The following SGK1 variants were observed in gnomAD, a reference collection of about 807,000 sequenced individuals.
The protein encoded by SGK1 is serine/threonine-protein kinase Sgk1.
In SGK1, 26 loss-of-function variants were observed where a neutral mutation model predicts 64.2. The observed-to-expected ratio is 0.40, with a 90% confidence interval of 0.30 to 0.56. The LOEUF is 0.56. SGK1 is among the 20% of genes least tolerant of loss of function. The pLI is 0.38. For missense variants in SGK1, 519 were observed against 645.6 expected, an observed-to-expected ratio of 0.80 and a Z score of 2.12; for synonymous variants, 265 against 239.7, an observed-to-expected ratio of 1.11 and a Z score of -0.98.
chr6:134,309,181 C>T (rs996182912), intron 1 of SGK1, among the ~76,000 whole-genome samples: 1 of 152,230 alleles, frequency 6.6e-6, no homozygotes, highest in Non-Finnish European at 1.5e-5. Context: ...GCTCTAGTTA[C>T]ATCTTTGATT....
chr6:134,207,149 C>T (rs1775805693), intron 3 of SGK1, among the ~76,000 whole-genome samples: 1 of 152,058 alleles, frequency 6.6e-6, no homozygotes, highest in Non-Finnish European at 1.5e-5. Flanking sequence ...TGGCGTGAAC[C>T]TGGGAGGCGG....
At chr6:134,295,210 G>T (rs1402143708) in intron 1 of SGK1, among the ~76,000 whole-genome samples, 2 of 151,850 alleles carry the variant, frequency 1.3e-5, no homozygotes, top group Non-Finnish European at 3.0e-5. Context: ...TATTCTGCAT[G>T]GTTGGAGAAT....
At chr6:134,312,290 A>G (rs113159694) in intron 1 of SGK1, among the ~76,000 whole-genome samples, 81 of 152,340 alleles carry the variant, frequency 5.3e-4, no homozygotes, top group African/African-American at 1.9e-3. Context: ...CTCTGAGAAG[A>G]CATCGAAAGT....
At chr6:134,303,976 G>A (rs149791369) in intron 1 of SGK1, among the ~76,000 whole-genome samples, 155 of 152,180 alleles carry the variant, frequency 1.0e-3, no homozygotes, top group African/African-American at 3.6e-3. Flanking sequence ...CCCAGGACTC[G>A]GCCTTATGAG....
intron 1 of SGK1, among the ~76,000 whole-genome samples, chr6:134,286,478 ATTTTTTT>A (rs1267281237): frequency 7.8e-6 from 1 of 128,482 alleles, no homozygotes; most frequent in Non-Finnish European, 1.7e-5. Flanking sequence ...AAAATACAAT[ATTTTTTT>A]TTTTTTTTTT....
At chr6:134,254,565 C>T (rs1776652607) in intron 2 of SGK1, among the ~76,000 whole-genome samples, 1 of 152,120 alleles carries the variant, frequency 6.6e-6, no homozygotes, top group Admixed American at 6.6e-5. Flanking sequence ...GGGATTGAAA[C>T]ATTTAAACGA....
intron 1 of SGK1, among the ~76,000 whole-genome samples, chr6:134,315,203 C>T (rs1777660804): frequency 6.6e-6 from 1 of 151,898 alleles, no homozygotes; most frequent in Admixed American, 6.6e-5. Context: ...TGGAATAAAC[C>T]AAAGTAGACA....
chr6:134,272,084 T>C (rs1776947073), intron 1 of SGK1, among the ~76,000 whole-genome samples: 1 of 144,992 alleles, frequency 6.9e-6, no homozygotes. Context: ...TCAGGCAATC[T>C]GCCTGCCTCG....
At chr6:134,181,615 G>A (rs1775332456) in intron 3 of SGK1, among the ~76,000 whole-genome samples, 1 of 152,098 alleles carries the variant, frequency 6.6e-6, no homozygotes, top group Non-Finnish European at 1.5e-5. Flanking sequence ...AAAGTGCTGG[G>A]ATTACAGGCA....
At chr6:134,180,109 A>G (rs1775309024) in intron 3 of SGK1, 1 of 152,004 alleles carries the variant, frequency 6.6e-6, no homozygotes, top group Non-Finnish European at 1.5e-5. Flanking sequence ...ACATGCCACC[A>G]TGCCTGGTTA....
intron 2 of SGK1, among the ~76,000 whole-genome samples, chr6:134,231,188 T>TA (rs1161490712): frequency 5.9e-5 from 9 of 152,094 alleles, no homozygotes; most frequent in African/African-American, 1.2e-4. Flanking sequence ...GAATCTGTAT[T>TA]AAAAAAAATA....
intron 2 of SGK1, among the ~76,000 whole-genome samples, chr6:134,236,440 A>C (rs1776365764): frequency 6.6e-6 from 1 of 152,150 alleles, no homozygotes; most frequent in Non-Finnish European, 1.5e-5. Context: ...CAGCCTGGGC[A>C]AGATGGCGAA....
intron 3 of SGK1, among the ~76,000 whole-genome samples, chr6:134,187,961 T>C (rs1350217197): frequency 2.6e-5 from 4 of 152,228 alleles, no homozygotes; most frequent in Admixed American, 1.3e-4. Flanking sequence ...TTTCTGTTGC[T>C]GGCAGATTGG....
intron 2 of SGK1, among the ~76,000 whole-genome samples, chr6:134,224,287 C>G (rs544706240): frequency 2.4e-4 from 37 of 152,258 alleles, no homozygotes; most frequent in African/African-American, 8.7e-4. Flanking sequence ...ATTCAGTGGG[C>G]AGGTCATTAG....
intron 2 of SGK1, among the ~76,000 whole-genome samples, chr6:134,226,453 C>A (rs80172284): frequency 0.084 from 12,765 of 151,738 alleles, 861 homozygotes; most frequent in East Asian, 0.25. Context: ...AATCCTAACA[C>A]TTTGGGAGGC....
chr6:134,298,340 C>G, intron 1 of SGK1: 1 of 1,563,930 alleles, frequency 6.4e-7, no homozygotes, highest in Non-Finnish European at 8.7e-7. Context: ...CACTTGGTCT[C>G]TAGCATCTTG....
At chr6:134,250,294 A>G (rs1776587954) in intron 2 of SGK1, among the ~76,000 whole-genome samples, 1 of 152,206 alleles carries the variant, frequency 6.6e-6, no homozygotes, top group Admixed American at 6.5e-5. Context: ...ACTGTCTGCT[A>G]CTCAAGGTCG....
At chr6:134,195,546 A>C (rs1214980004) in intron 3 of SGK1, among the ~76,000 whole-genome samples, 1 of 152,210 alleles carries the variant, frequency 6.6e-6, no homozygotes, top group Non-Finnish European at 1.5e-5. Context: ...CATGACTCTA[A>C]GTATCTTTAC....
At chr6:134,265,441 CAA>C (rs916010196) in intron 1 of SGK1, among the ~76,000 whole-genome samples, 1 of 150,706 alleles carries the variant, frequency 6.6e-6, no homozygotes, top group African/African-American at 2.4e-5. Flanking sequence ...GCCTGGGCAA[CAA>C]GAGTGAAAAC....
Sources: allele counts gnomAD v4.1 joint callset (sites outside exome capture counted in the v4.1 genomes callset), GRCh38; gene constraint gnomAD v4.1.1; transcripts MANE v1.5; gene names NCBI Gene and HGNC (gene_info 2026-07-23, HGNC 2026-07-21).